The following METTL15 variants were observed in gnomAD, a reference collection of about 807,000 sequenced individuals.
The protein encoded by METTL15 is methyltransferase 15, mitochondrial 12S rRNA N4-cytidine.
METTL15 carries 34 observed loss-of-function variants against 38.3 expected under a neutral mutation model. That is an observed-to-expected ratio of 0.89 (90% CI 0.68 to 1.18). METTL15 has a LOEUF of 1.18. Ranked by LOEUF, METTL15 falls within the 50% of genes most tolerant of loss-of-function variation. METTL15 has a pLI of 0.00. For synonymous variants in METTL15, 162 were observed against 170.9 expected (o/e 0.95, Z 0.41); for missense variants, 438 against 498.4 (o/e 0.88, Z 1.15).
chr11:28,348,323 G>T (rs1449847566), intron 3 of METTL15, among the ~76,000 whole-genome samples: 4 of 152,130 alleles, frequency 2.6e-5, no homozygotes, highest in Admixed American at 2.6e-4. Context: ...TTTATTGGAA[G>T]CTTTCTGCTG....
intron 4 of METTL15, among the ~76,000 whole-genome samples, chr11:28,247,476 A>G (rs1431449727): frequency 1.3e-5 from 2 of 152,124 alleles, no homozygotes; most frequent in African/African-American, 4.8e-5. Flanking sequence ...ATCTTTCTGA[A>G]AAATGGAGGC....
intron 6 of METTL15, among the ~76,000 whole-genome samples, chr11:28,303,796 G>A (rs181368454): frequency 1.2e-4 from 19 of 152,196 alleles, no homozygotes; most frequent in Non-Finnish European, 2.2e-4. Flanking sequence ...TACTTTTTCC[G>A]TCATGTTGAA....
At chr11:28,167,817 A>G (rs1270186277) in intron 3 of METTL15, among the ~76,000 whole-genome samples, 1 of 151,882 alleles carries the variant, frequency 6.6e-6, no homozygotes, top group African/African-American at 2.4e-5. Context: ...TCAACACCTT[A>G]TCAACTTTAT....
chr11:28,325,462 T>C (rs753723317), intron 6 of METTL15, among the ~76,000 whole-genome samples: 2 of 152,210 alleles, frequency 1.3e-5, no homozygotes, highest in Admixed American at 6.5e-5. Flanking sequence ...AGGTTTGATA[T>C]ACAGGCTTGG....
intron 2 of METTL15, among the ~76,000 whole-genome samples, chr11:28,111,770 T>C (rs1851728513): frequency 6.6e-6 from 1 of 152,222 alleles, no homozygotes; most frequent in Non-Finnish European, 1.5e-5. Context: ...TGTAGTGTGG[T>C]TATAATAGTA....
chr11:28,348,907 G>A (rs979157322), intron 3 of METTL15, among the ~76,000 whole-genome samples: 1 of 151,952 alleles, frequency 6.6e-6, no homozygotes, highest in African/African-American at 2.4e-5. Context: ...ATTATGAAAG[G>A]TGTTCCAGGC....
chr11:28,211,111 T>C lies in METTL15; in HGVS notation c.320T>C (p.Leu107Pro). ...TCGGGAGGGCACACAAAAGCCATTCTGCAGAAGGAGTCAGATATTGTTCTC... is the reference window on the plus strand; with the variant it reads ...TCGGGAGGGCACACAAAAGCCATTCCGCAGAAGGAGTCAGATATTGTTCTC... ...FGSGGHTKAI[L>P]QKESDIVLYA... Residue 107 changes from leucine (L) to proline (P), a missense_variant, in exon 4 of 7, where the codon CTG (leucine) becomes CCG (proline). Coordinates refer to ENST00000407364, the MANE Select transcript of METTL15 (RefSeq NM_001113528.2). 1 of 1,612,438 alleles carries C rather than the reference T, an allele frequency of 6.2e-7. No individual in the cohort carries two copies. Among genetic ancestry groups the C allele is most frequent in the Non-Finnish European group, 8.5e-7 (1 of 1,179,142 alleles).
rs532290106 is a variant in METTL15, at chr11:28,207,227, A to G, written c.271-3835A>G. ...TGCTTCCAGTTTTTGCACATTCAGT[A>G]TGATATTGGCTGTGGGGTTGTCATA... On this transcript the variant is annotated intron_variant, in intron 3 of 6. Transcript: ENST00000407364. 3.9e-5 allele frequency among the ~76,000 whole-genome samples: 6 copies of G among 151,996 alleles called. No individual in the cohort carries two copies. The South Asian group carries it at 8.4e-4, about 21-fold the overall frequency.
At chr11:28,117,576 G>A (rs913757960) in intron 3 of METTL15, among the ~76,000 whole-genome samples, 1 of 152,032 alleles carries the variant, frequency 6.6e-6, no homozygotes, top group African/African-American at 2.4e-5. Context: ...GTTTCATTCT[G>A]TTCAAGTACC....
At chr11:28,270,844 G>A (rs1415610852) in intron 4 of METTL15, among the ~76,000 whole-genome samples, 1 of 152,106 alleles carries the variant, frequency 6.6e-6, no homozygotes, top group Non-Finnish European at 1.5e-5. Flanking sequence ...TAATACCTGG[G>A]TTAGAATCCC....
chr11:28,173,087 T>TA (rs918587001), intron 3 of METTL15, among the ~76,000 whole-genome samples: 1 of 152,108 alleles, frequency 6.6e-6, no homozygotes, highest in Non-Finnish European at 1.5e-5. Context: ...ATTTATTTTT[T>TA]AAAAAAAGAG....
At chr11:28,315,401 T>A (rs1857443558) in intron 6 of METTL15, among the ~76,000 whole-genome samples, 1 of 152,164 alleles carries the variant, frequency 6.6e-6, no homozygotes, top group Non-Finnish European at 1.5e-5. Context: ...GAGAGATGAT[T>A]TAGCGTACCT....
chr11:28,464,014 G>A (rs1279223411), intron 6 of METTL15, among the ~76,000 whole-genome samples: 1 of 152,070 alleles, frequency 6.6e-6, no homozygotes, highest in East Asian at 1.9e-4. Flanking sequence ...CCTGCGCTAT[G>A]ACCTAGGGTG....
intron 4 of METTL15, among the ~76,000 whole-genome samples, chr11:28,221,455 C>T (rs932962348): frequency 6.6e-6 from 1 of 152,058 alleles, no homozygotes; most frequent in African/African-American, 2.4e-5. Flanking sequence ...TCTAGTTAAC[C>T]ATTCATCTAA....
chr11:28,452,416 A>G (rs1242206725), intron 6 of METTL15, among the ~76,000 whole-genome samples: 1 of 152,218 alleles, frequency 6.6e-6, no homozygotes, highest in Non-Finnish European at 1.5e-5. Context: ...AATGACAGCA[A>G]TACAATTCAA....
intron 6 of METTL15, among the ~76,000 whole-genome samples, chr11:28,448,866 A>G (rs1851096337): frequency 6.6e-6 from 1 of 152,306 alleles, no homozygotes; most frequent in Middle Eastern, 3.4e-3. Context: ...AATATTTATT[A>G]TGCTTGTTAC....
intron 6 of METTL15, among the ~76,000 whole-genome samples, chr11:28,502,212 A>G (rs1851590271): frequency 6.6e-6 from 1 of 152,194 alleles, no homozygotes; most frequent in South Asian, 2.1e-4. Flanking sequence ...GAGAAATTTG[A>G]AAGATTAAGA....
chr11:28,187,106 A>G (rs1851524809), intron 3 of METTL15, among the ~76,000 whole-genome samples: 1 of 151,274 alleles, frequency 6.6e-6, no homozygotes, highest in African/African-American at 2.4e-5. Flanking sequence ...AGAAAGCTTC[A>G]AATTTCTGTG....
At position 28,204,532 on chromosome 11, in the gene METTL15, C is replaced by T. The variant is rs560645045; in HGVS notation, c.271-6530C>T. Among the ~76,000 whole-genome samples the T allele has an allele frequency of 2.8e-4, 39 of 137,442 alleles. 1 individual carries two copies. The South Asian group carries it at 6.8e-3, about 24-fold the overall frequency. 90.2% of individuals were successfully genotyped at this position (137,442 alleles called of 152,430 possible). ...TTTGTTAGACCAAGTAGGAAAACAT[C>T]GATGCTTGGTAAACCATAAAGCAAT... On this transcript the variant is annotated intron_variant, in intron 3 of 6. Coordinates refer to ENST00000407364, the MANE Select transcript of METTL15 (RefSeq NM_001113528.2).
Sources: allele counts gnomAD v4.1 joint callset (sites outside exome capture counted in the v4.1 genomes callset), GRCh38; gene constraint gnomAD v4.1.1; transcripts MANE v1.5; gene names NCBI Gene and HGNC (gene_info 2026-07-23, HGNC 2026-07-21).